Variants in LRP1B observed in about 807,000 individuals in gnomAD.
LRP1B encodes low-density lipoprotein receptor-related protein 1B.
LRP1B carries 217 observed loss-of-function variants against 556.6 expected under a neutral mutation model. The observed-to-expected ratio is 0.39, with a 90% CI of 0.35 to 0.44. The LOEUF is 0.44. LRP1B is among the 20% of genes least tolerant of loss of function. The probability of loss-of-function intolerance (pLI) is 1.00; values close to 1 mark genes in which losing one functional copy is unlikely to be tolerated. For synonymous variants in LRP1B, 2,047 were observed against 1,865.8 expected (o/e 1.10, Z -2.50); for missense variants, 5,053 against 5,620.8 (o/e 0.90, Z 3.23).
chr2:141,996,747 A>G (rs1702504088), intron 1 of LRP1B, among the ~76,000 whole-genome samples: 1 of 143,264 alleles, frequency 7.0e-6, no homozygotes, highest in South Asian at 2.5e-4. Flanking sequence ...ACAAAGTAAG[A>G]AAAAATAGTC....
intron 3 of LRP1B, among the ~76,000 whole-genome samples, chr2:141,314,875 C>CATAT (rs1686956524): frequency 7.9e-6 from 1 of 126,020 alleles, no homozygotes; most frequent in African/African-American, 2.9e-5. Context: ...TACATATATA[C>CATAT]ATACATATAT....
At chr2:141,479,364 G>A (rs139453771) in intron 3 of LRP1B, among the ~76,000 whole-genome samples, 20 of 152,198 alleles carry the variant, frequency 1.3e-4, no homozygotes, top group South Asian at 8.3e-4. Flanking sequence ...CACTTTAAAC[G>A]TATACATATT....
intron 67 of LRP1B, among the ~76,000 whole-genome samples, chr2:140,381,523 A>G (rs969623655): frequency 6.6e-6 from 1 of 152,112 alleles, no homozygotes; most frequent in African/African-American, 2.4e-5. Context: ...TTTGCAGGGT[A>G]TGTTTTCCAT....
intron 49 of LRP1B, among the ~76,000 whole-genome samples, chr2:140,517,619 T>G (rs920024282): frequency 5.3e-5 from 8 of 151,788 alleles, no homozygotes; most frequent in South Asian, 2.1e-4. Context: ...TGTAAAATTA[T>G]TTTGTAAATT....
At chr2:141,029,931 A>G (rs1437085996) in intron 11 of LRP1B, among the ~76,000 whole-genome samples, 1 of 152,148 alleles carries the variant, frequency 6.6e-6, no homozygotes, top group Non-Finnish European at 1.5e-5. Context: ...AGATTCCAGT[A>G]GCAACACCCT....
intron 41 of LRP1B, among the ~76,000 whole-genome samples, chr2:140,612,760 T>C (rs1309350224): frequency 1.3e-5 from 2 of 152,182 alleles, no homozygotes; most frequent in Non-Finnish European, 2.9e-5. Flanking sequence ...ATTTTAATAC[T>C]GTCTTACTAT....
intron 1 of LRP1B, among the ~76,000 whole-genome samples, chr2:142,087,457 G>A (rs1230893094): frequency 6.6e-6 from 1 of 151,572 alleles, no homozygotes; most frequent in Admixed American, 6.6e-5. Context: ...ATTTCAGTAT[G>A]GACCTCCAAA....
At chr2:142,065,717 C>G (rs1253354747) in intron 1 of LRP1B, among the ~76,000 whole-genome samples, 1 of 151,398 alleles carries the variant, frequency 6.6e-6, no homozygotes, top group Non-Finnish European at 1.5e-5. Flanking sequence ...TGGCCTCAAA[C>G]TGTTTACATT....
intron 2 of LRP1B, among the ~76,000 whole-genome samples, chr2:141,693,879 A>C (rs1391089555): frequency 6.6e-6 from 1 of 152,032 alleles, no homozygotes; most frequent in Non-Finnish European, 1.5e-5. Flanking sequence ...TCTAGAGTAC[A>C]GAAGACATTC....
intron 41 of LRP1B, among the ~76,000 whole-genome samples, chr2:140,699,311 T>G (rs1191917747): frequency 6.6e-6 from 1 of 152,040 alleles, no homozygotes; most frequent in Non-Finnish European, 1.5e-5. Flanking sequence ...AAAAAGCAGT[T>G]AGCTGAATAA....
chr2:140,597,048 G>A (rs115744181), intron 43 of LRP1B, among the ~76,000 whole-genome samples: 6,199 of 152,128 alleles, frequency 0.041, 178 homozygotes, highest in Middle Eastern at 0.082. Flanking sequence ...TTTTTAAAAT[G>A]TATTGCTCAT....
rs368343928 is a variant in LRP1B at position 141,480,417 on chromosome 2, C to G, written c.322G>C (p.Asp108His). Residue 108 changes from aspartate to histidine, a missense_variant, in exon 3 of 91, where the codon GAC becomes CAC. By Grantham distance (81) the Asp-to-His change is moderately conservative (BLOSUM62 -1). Around this residue, in one of 5 missense-constraint regions of LRP1B, gnomAD observed 3,619 missense variants for 3,931.9 expected, o/e 0.92. Coordinates refer to ENST00000389484, the MANE Select transcript of LRP1B (RefSeq NM_018557.3). ...TCACCCTGACAATGTACTCCTTCGT[C>G]ATACCCATCTGGGCAGTCCAAGACA... ...NGVLDCPDGY[D>H]EGVHCQELLS... The G allele has an allele frequency of 3.7e-5, 59 of 1,613,828 alleles. No homozygotes were observed. The highest frequency in any genetic ancestry group is 5.1e-6 in the Non-Finnish European group (6 of 1,179,928).
At chr2:140,615,464 A>G (rs558866819) in intron 41 of LRP1B, among the ~76,000 whole-genome samples, 3 of 152,228 alleles carry the variant, frequency 2.0e-5, no homozygotes, top group Non-Finnish European at 2.9e-5. Context: ...CTCTACTGCA[A>G]TACCGCTATC....
At chr2:140,905,308 G>A (rs578067818) in intron 22 of LRP1B, among the ~76,000 whole-genome samples, 53 of 152,048 alleles carry the variant, frequency 3.5e-4, no homozygotes, top group Non-Finnish European at 6.0e-4. Flanking sequence ...TTAAGTCTAC[G>A]TCCCTTGAAT....
At chr2:141,912,022 C>T (rs568324410) in intron 1 of LRP1B, among the ~76,000 whole-genome samples, 1 of 152,260 alleles carries the variant, frequency 6.6e-6, no homozygotes, top group South Asian at 2.1e-4. Context: ...TCTGAAATGT[C>T]TTTTCTTCTC....
chr2:141,384,703 A>G (rs1315379736), intron 3 of LRP1B, among the ~76,000 whole-genome samples: 1 of 152,150 alleles, frequency 6.6e-6, no homozygotes, highest in Non-Finnish European at 1.5e-5. Context: ...GTGGAGTATA[A>G]TCAAACATCT....
chr2:140,669,576 C>A (rs1434895975), intron 41 of LRP1B, among the ~76,000 whole-genome samples: 1 of 152,126 alleles, frequency 6.6e-6, no homozygotes, highest in African/African-American at 2.4e-5. Flanking sequence ...CATTCCATAA[C>A]TAATCATGAT....
At chr2:140,988,212 A>G (rs919074184) in intron 17 of LRP1B, among the ~76,000 whole-genome samples, 3 of 152,074 alleles carry the variant, frequency 2.0e-5, no homozygotes, top group African/African-American at 7.2e-5. Context: ...TCCCTCTGCC[A>G]TGCCCATCTA....
intron 31 of LRP1B, among the ~76,000 whole-genome samples, chr2:140,816,771 G>T (rs1691139146): frequency 6.6e-6 from 1 of 151,888 alleles, no homozygotes; most frequent in Admixed American, 6.6e-5. Flanking sequence ...AAAAACTGGT[G>T]ACATATGCTT....
Sources: gnomAD v4.1 joint callset for allele counts (sites outside exome capture counted in the v4.1 genomes callset) on GRCh38, gnomAD v4.1.1 for gene constraint, gnomAD v4.1.1 regional missense constraint, MANE v1.5 for transcripts, NCBI Gene and HGNC (gene_info 2026-07-23, HGNC 2026-07-21) for gene names.